KATNIP: variants seen among roughly 807,000 people sequenced by gnomAD.
The protein encoded by KATNIP is katanin-interacting protein.
A neutral mutation model predicts 174.0 loss-of-function variants in KATNIP; 126 were observed. The observed-to-expected ratio is 0.72, with a 90% CI of 0.63 to 0.84. The LOEUF is 0.84. Among genes scored for constraint, KATNIP ranks in the 40% least tolerant of loss-of-function variants. The probability of loss-of-function intolerance (pLI) is 0.00; values close to 1 mark genes in which losing one functional copy is unlikely to be tolerated. For synonymous variants in KATNIP, 810 were observed against 835.7 expected (o/e 0.97, Z 0.53); for missense variants, 1,958 against 2,109.7 (o/e 0.93, Z 1.41).
At chr16:27,689,520 C>T (rs997568087) in intron 8 of KATNIP, among the ~76,000 whole-genome samples, 1 of 152,150 alleles carries the variant, frequency 6.6e-6, no homozygotes, top group Non-Finnish European at 1.5e-5. Context: ...GTCTGGGGGC[C>T]TTGATTGCTG....
rs1395426489 is a variant in KATNIP, at chr16:27,637,242, C to G, written c.408+6080C>G. Among the ~76,000 whole-genome samples the G allele has an allele frequency of 6.6e-6, 1 of 152,188 alleles. No individual in the cohort carries two copies. Reference sequence around the variant, plus strand: ...CCTGGAGGCCTCAGGGCTCTTCACTCTAGTATGTTCCTTTGCTCACTCATA... The same window carrying G: ...CCTGGAGGCCTCAGGGCTCTTCACTGTAGTATGTTCCTTTGCTCACTCATA... On this transcript the variant is annotated intron_variant, in intron 5 of 27. Coordinates refer to ENST00000261588, the MANE Select transcript of KATNIP (RefSeq NM_015202.5). The surrounding 1 kb of genome is among the most constrained non-coding windows in gnomAD (Gnocchi z 4.7).
intron 2 of KATNIP, among the ~76,000 whole-genome samples, chr16:27,585,743 C>T (rs373938371): frequency 6.6e-6 from 1 of 152,128 alleles, no homozygotes; most frequent in Non-Finnish European, 1.5e-5. Context: ...AGAGAATAGA[C>T]GGATGGGTCC....
intron 13 of KATNIP, among the ~76,000 whole-genome samples, chr16:27,710,690 G>A (rs2079537057): frequency 6.6e-6 from 1 of 152,106 alleles, no homozygotes; most frequent in South Asian, 2.1e-4. Context: ...TTTTTATAGA[G>A]ACGGGGTCTC....
At chr16:27,664,397 C>T (rs368518595) in intron 6 of KATNIP, among the ~76,000 whole-genome samples, 4 of 152,184 alleles carry the variant, frequency 2.6e-5, no homozygotes. Context: ...AAATCACACA[C>T]GATTAGTTGT....
chr16:27,659,927 G>C (rs890226555), intron 6 of KATNIP: 3 of 787,622 alleles, frequency 3.8e-6, no homozygotes, highest in Non-Finnish European at 4.6e-6. Flanking sequence ...TTCTGAGCAT[G>C]CACCCCCAGT....
intron 8 of KATNIP, among the ~76,000 whole-genome samples, chr16:27,686,558 A>C (rs1400819224): frequency 6.6e-6 from 1 of 152,210 alleles, no homozygotes; most frequent in Admixed American, 6.5e-5. Context: ...TAATGGGAGC[A>C]TTCAGTCCAT....
chr16:27,651,490 G>A (rs1278235667), intron 6 of KATNIP, among the ~76,000 whole-genome samples: 3 of 151,260 alleles, frequency 2.0e-5, no homozygotes, highest in East Asian at 1.9e-4. Context: ...GTTTGCAAGC[G>A]CAACCTGAAA....
rs1473165243 is a variant in KATNIP, at chr16:27,721,592, T to A, written c.1640T>A (p.Phe547Tyr). Residue 547 changes from phenylalanine to tyrosine, a missense_variant, in exon 14 of 28, where the codon TTC (phenylalanine) becomes TAC (tyrosine). Physicochemically the swap from Phe to Tyr is conservative, Grantham distance 22. Around this residue, in one of 3 missense-constraint regions of KATNIP, gnomAD observed 1,557 missense variants for 1,617.8 expected, o/e 0.96. Transcript: ENST00000261588. The stretch of plus-strand genomic sequence containing the variant: ...GACTCCTCCCCGTGGACCTGCCCCT[T>A]CCACCCACCACTCCAGCTGTTTTTT... ...KKDSSPWTCP[F>Y]HPPLQLFFVI... 8.1e-6 allele frequency: 13 copies of A among 1,614,018 alleles called. No homozygotes were observed. Among genetic ancestry groups the A allele is most frequent in the Non-Finnish European group, 1.1e-5 (13 of 1,179,994 alleles).
chr16:27,651,813 G>A (rs1033065398), intron 6 of KATNIP, among the ~76,000 whole-genome samples: 10 of 152,186 alleles, frequency 6.6e-5, no homozygotes, highest in East Asian at 1.9e-4. Context: ...TCTGCCTCCA[G>A]GGTTCAAGCG....
rs950606732 is a variant in KATNIP, at chr16:27,612,080, G to A, written c.64-6345G>A. 3.9e-5 allele frequency among the ~76,000 whole-genome samples: 6 copies of A among 152,154 alleles called. No individual in the cohort carries two copies. The South Asian group carries it at 8.3e-4, about 21-fold the overall frequency. On this transcript the variant is annotated intron_variant, in intron 2 of 27. Coordinates refer to ENST00000261588, the MANE Select transcript of KATNIP (RefSeq NM_015202.5). Reference sequence around the variant, plus strand: ...TAGGAGTGAGAATGGGGCGAGGTGGGACTCGGATGGTGCTGTTTTGGAAAT... The same window carrying A: ...TAGGAGTGAGAATGGGGCGAGGTGGAACTCGGATGGTGCTGTTTTGGAAAT...
intron 1 of KATNIP, among the ~76,000 whole-genome samples, chr16:27,563,556 A>C (rs1237135331): frequency 2.0e-5 from 3 of 152,100 alleles, no homozygotes; most frequent in African/African-American, 7.2e-5. Flanking sequence ...AGAGGGCTGC[A>C]GGGAAGAGGG....
rs202096850 is a variant in KATNIP, at chr16:27,761,571, G to A, written c.3790G>A (p.Asp1264Asn). 3.7e-6 allele frequency: 6 copies of A among 1,613,884 alleles called. No homozygotes were observed. The African/African-American group carries it at 4.0e-5, about 11-fold the overall frequency. ...AAATGAGCTCCCCGAGTACTCTGAC[G>A]ACTCCCGGGCCCTGGACAAGTAAGT... is the stretch of plus-strand genomic sequence containing the variant. ...DLNELPEYSD[D>N]SRALDKLIDG... The change falls in exon 19 of 28, where the codon GAC becomes AAC. Residue 1264 changes from aspartate (D) to asparagine (N), a missense_variant. Physicochemically the swap from Asp to Asn is conservative, Grantham distance 23 (BLOSUM62 1). Transcript: ENST00000261588.
chr16:27,662,176 C>T (rs1285524851), intron 6 of KATNIP, among the ~76,000 whole-genome samples: 2 of 147,566 alleles, frequency 1.4e-5, no homozygotes, highest in East Asian at 2.0e-4. Flanking sequence ...TCAAGCAGTC[C>T]GCCTGCGTAG....
chr16:27,665,642 C>T (rs538230789), intron 6 of KATNIP, among the ~76,000 whole-genome samples: 56 of 151,776 alleles, frequency 3.7e-4, no homozygotes, highest in African/African-American at 1.2e-3. Flanking sequence ...ACTCTTTCCC[C>T]CAGGCTGGAG....
At chr16:27,678,746 A>C (rs2078217729) in intron 7 of KATNIP, among the ~76,000 whole-genome samples, 1 of 152,328 alleles carries the variant, frequency 6.6e-6, no homozygotes, top group African/African-American at 2.4e-5. Context: ...CCACCCAGCC[A>C]CACGATAGTG....
chr16:27,688,402 G>GGGCA (rs2078597164), intron 8 of KATNIP, among the ~76,000 whole-genome samples: 1 of 152,202 alleles, frequency 6.6e-6, no homozygotes, highest in Non-Finnish European at 1.5e-5. Flanking sequence ...AGATCAGCCT[G>GGGCA]ACCAGTACGG....
At chr16:27,551,942 C>T (rs1316187348) in intron 1 of KATNIP, among the ~76,000 whole-genome samples, 2 of 151,994 alleles carry the variant, frequency 1.3e-5, no homozygotes, top group South Asian at 4.1e-4. Context: ...GTGCCTCACA[C>T]CTGTGATCCC....
intron 1 of KATNIP, among the ~76,000 whole-genome samples, chr16:27,557,670 C>T (rs1359384471): frequency 1.3e-5 from 2 of 152,064 alleles, no homozygotes; most frequent in African/African-American, 4.8e-5. Flanking sequence ...TCAAGTGATC[C>T]TCCCACCTTG....
intron 3 of KATNIP, among the ~76,000 whole-genome samples, chr16:27,625,855 CT>C (rs532789125): frequency 0.023 from 3,318 of 143,656 alleles, 119 homozygotes; most frequent in African/African-American, 0.077. Flanking sequence ...TTCTTTCTTT[CT>C]TTTTTTTTTT....
Sources: allele counts gnomAD v4.1 joint callset (sites outside exome capture counted in the v4.1 genomes callset), GRCh38; gene constraint gnomAD v4.1.1; regional missense constraint gnomAD v4.1.1; non-coding constraint Gnocchi (gnomAD v3.1); transcripts MANE v1.5; gene names NCBI Gene and HGNC (gene_info 2026-07-23, HGNC 2026-07-21).